The following DPP10 variants were observed in gnomAD, a reference collection of about 807,000 sequenced individuals.
The protein encoded by DPP10 is inactive dipeptidyl peptidase 10.
DPP10 carries 33 observed loss-of-function variants against 120.9 expected under a neutral mutation model. The observed-to-expected ratio is 0.27, with a 90% CI of 0.21 to 0.37. DPP10 has a LOEUF of 0.37. DPP10 is among the 10% of genes least tolerant of loss of function. The pLI is 1.00. For missense variants in DPP10, 816 were observed against 942.8 expected (o/e 0.87, Z 1.76); for synonymous variants, 337 against 326.1 (o/e 1.03, Z -0.36).
chr2:115,712,103 A>G (rs1559061372), intron 7 of DPP10, among the ~76,000 whole-genome samples: 1 of 151,452 alleles, frequency 6.6e-6, no homozygotes, highest in Admixed American at 6.6e-5. Flanking sequence ...TATGATTATA[A>G]CATTGTAATA....
chr2:115,711,961 A>G (rs1470738640), intron 7 of DPP10, among the ~76,000 whole-genome samples: 1 of 108,846 alleles, frequency 9.2e-6, no homozygotes, highest in African/African-American at 3.9e-5. Context: ...TAATGCATTT[A>G]GCACAGCAGT....
At chr2:115,775,902 A>G (rs1234487532) in intron 13 of DPP10, among the ~76,000 whole-genome samples, 1 of 152,200 alleles carries the variant, frequency 6.6e-6, no homozygotes, top group Non-Finnish European at 1.5e-5. Context: ...GAAAATTATA[A>G]TCACCTTAAT....
chr2:114,892,346 C>A (rs1353927653), intron 1 of DPP10, among the ~76,000 whole-genome samples: 1 of 152,142 alleles, frequency 6.6e-6, no homozygotes, highest in Non-Finnish European at 1.5e-5. Flanking sequence ...ACTCTGTGTA[C>A]CCAGTTAGAT....
intron 11 of DPP10, among the ~76,000 whole-genome samples, chr2:115,754,326 A>G (rs185371394): frequency 8.1e-4 from 124 of 152,300 alleles, no homozygotes; most frequent in African/African-American, 2.1e-3. Flanking sequence ...ATTAGGCTCA[A>G]TGCTTAGCTG....
intron 3 of DPP10, among the ~76,000 whole-genome samples, chr2:115,344,159 A>G (rs1443361696): frequency 6.7e-6 from 1 of 149,038 alleles, no homozygotes; most frequent in Non-Finnish European, 1.5e-5. Flanking sequence ...AAAAAAAAAG[A>G]TATGTGTAGT....
intron 21 of DPP10, among the ~76,000 whole-genome samples, chr2:115,821,337 T>G (rs1158655311): frequency 3.3e-5 from 5 of 152,096 alleles, no homozygotes; most frequent in African/African-American, 1.2e-4. Flanking sequence ...TTTTGTTGTT[T>G]TTATTGGCCA....
chr2:115,035,841 C>G (rs1704192300), intron 1 of DPP10, among the ~76,000 whole-genome samples: 1 of 152,198 alleles, frequency 6.6e-6, no homozygotes, highest in Admixed American at 6.5e-5. Context: ...TTAACTATTA[C>G]TATGATTACT....
chr2:114,975,676 A>G (rs918960976), intron 1 of DPP10, among the ~76,000 whole-genome samples: 3 of 152,090 alleles, frequency 2.0e-5, no homozygotes, highest in Admixed American at 6.5e-5. Context: ...TTTGTGATGG[A>G]GTCTCACTCT....
intron 11 of DPP10, 116 bp from the exon 12 acceptor site, chr2:115,762,456 G>A (rs2149791313): frequency 1.1e-6 from 1 of 944,036 alleles, no homozygotes. Context: ...CTCTCATGGT[G>A]TTTCACCAGT....
At chr2:114,595,807 G>A (rs1270841092) in intron 1 of DPP10, among the ~76,000 whole-genome samples, 1 of 152,106 alleles carries the variant, frequency 6.6e-6, no homozygotes, top group Non-Finnish European at 1.5e-5. Flanking sequence ...CCCAGGAAGA[G>A]CCAAGTATAC....
intron 1 of DPP10, among the ~76,000 whole-genome samples, chr2:115,228,079 T>C (rs1261974322): frequency 2.6e-5 from 4 of 151,970 alleles, no homozygotes; most frequent in Non-Finnish European, 5.9e-5. Context: ...TGCACTATTA[T>C]GCCTTGCTGA....
chr2:115,754,529 A>G (rs1176121557), intron 11 of DPP10, among the ~76,000 whole-genome samples: 4 of 152,170 alleles, frequency 2.6e-5, no homozygotes, highest in African/African-American at 9.6e-5. Context: ...AAGTAGGGCT[A>G]GTCTAGACAC....
At chr2:115,281,163 T>C (rs1013308308) in intron 1 of DPP10, among the ~76,000 whole-genome samples, 6 of 152,270 alleles carry the variant, frequency 3.9e-5, no homozygotes, top group Non-Finnish European at 8.8e-5. Context: ...TAAAGTGGAG[T>C]TCTTACTTTA....
At chr2:114,652,996 GA>G (rs2105495674) in intron 1 of DPP10, among the ~76,000 whole-genome samples, 1 of 142,322 alleles carries the variant, frequency 7.0e-6, no homozygotes, top group Admixed American at 7.0e-5. Context: ...GGAAGAGAGA[GA>G]GAGAGAGAGA....
intron 1 of DPP10, among the ~76,000 whole-genome samples, chr2:115,204,656 C>T (rs2055992375): frequency 6.6e-6 from 1 of 152,040 alleles, no homozygotes; most frequent in Admixed American, 6.6e-5. Flanking sequence ...AACAAAAAAC[C>T]AAACTCACTA....
intron 1 of DPP10, among the ~76,000 whole-genome samples, chr2:115,193,004 A>T (rs1267660377): frequency 6.6e-6 from 1 of 151,958 alleles, no homozygotes; most frequent in Non-Finnish European, 1.5e-5. Flanking sequence ...TAATGTAGGT[A>T]TGAATCCACA....
chr2:114,920,002 C>A (rs977934239), intron 1 of DPP10, among the ~76,000 whole-genome samples: 1 of 152,084 alleles, frequency 6.6e-6, no homozygotes, highest in Non-Finnish European at 1.5e-5. Flanking sequence ...TGCAGTGACT[C>A]CTCTTATTTA....
chr2:115,623,526 T>C (rs1425416202), intron 5 of DPP10, among the ~76,000 whole-genome samples: 1 of 152,198 alleles, frequency 6.6e-6, no homozygotes, highest in African/African-American at 2.4e-5. Context: ...AGTCTTATTA[T>C]ATGCCAGTGG....
At chr2:115,316,159 A>T (rs2061781503) in intron 2 of DPP10, among the ~76,000 whole-genome samples, 1 of 152,150 alleles carries the variant, frequency 6.6e-6, no homozygotes, top group Non-Finnish European at 1.5e-5. Context: ...ATTTTTTCTC[A>T]CATCACTAAT....
Sources: gnomAD v4.1 joint callset for allele counts (sites outside exome capture counted in the v4.1 genomes callset) on GRCh38, gnomAD v4.1.1 for gene constraint, MANE v1.5 for transcripts, NCBI Gene and HGNC (gene_info 2026-07-23, HGNC 2026-07-21) for gene names.